MED13: variants seen among roughly 807,000 people sequenced by gnomAD.
The protein encoded by MED13 is mediator of RNA polymerase II transcription subunit 13.
In MED13, 23 loss-of-function variants were observed where a neutral mutation model predicts 225.2. The observed-to-expected ratio is 0.10, with a 90% CI of 0.07 to 0.14. MED13 has a LOEUF of 0.14. Ranked by LOEUF, MED13 falls within the 10% of genes least tolerant of loss-of-function variation. MED13 has a pLI of 1.00. For missense variants in MED13, 2,197 were observed against 2,594.5 expected (o/e 0.85, Z 3.33); for synonymous variants, 942 against 889.2 (o/e 1.06, Z -1.06).
intron 2 of MED13, among the ~76,000 whole-genome samples, chr17:62,060,636 C>A (rs2081031448): frequency 7.1e-6 from 1 of 141,196 alleles, no homozygotes. Flanking sequence ...CAGAATGAGA[C>A]TCCGTCTCAA....
intron 3 of MED13, among the ~76,000 whole-genome samples, chr17:62,043,271 G>A (rs147242987): frequency 9.8e-4 from 146 of 149,480 alleles, no homozygotes; most frequent in African/African-American, 3.0e-3. Context: ...TCTCATAAAC[G>A]TTCTAGAAAG....
At chr17:62,051,690 A>C (rs930711865) in intron 3 of MED13, among the ~76,000 whole-genome samples, 1 of 152,236 alleles carries the variant, frequency 6.6e-6, no homozygotes, top group African/African-American at 2.4e-5. Context: ...CATATATGAC[A>C]TCAAAGACCT....
chr17:62,003,623 C>CAAAAAAAAAAAAAAAAAAAA (rs1335956503), intron 9 of MED13: 2 of 86,078 alleles, frequency 2.3e-5, no homozygotes, highest in Admixed American at 1.1e-4. Flanking sequence ...AAAAAAAAAG[C>CAAAAAAAAAAAAAAAAAAAA]AAAAAGTGAA....
intron 8 of MED13, among the ~76,000 whole-genome samples, chr17:62,028,875 A>AG (rs1334958443): frequency 1.3e-5 from 2 of 152,112 alleles, no homozygotes; most frequent in Non-Finnish European, 2.9e-5. Flanking sequence ...AGATTACTGT[A>AG]GGCCAGATAT....
At chr17:61,991,381 G>A (rs1475184403) in intron 11 of MED13, among the ~76,000 whole-genome samples, 1 of 151,120 alleles carries the variant, frequency 6.6e-6, no homozygotes, top group Non-Finnish European at 1.5e-5. Flanking sequence ...GGCCTTACAG[G>A]TGTAAGCCAT....
At chr17:62,029,319 T>C (rs1189410156) in intron 8 of MED13, 1 of 531,212 alleles carries the variant, frequency 1.9e-6, no homozygotes, top group African/African-American at 1.9e-5. Flanking sequence ...GAAACAAAAC[T>C]TTCAGAGTCT....
intron 8 of MED13, among the ~76,000 whole-genome samples, chr17:62,024,505 T>C (rs1421822161): frequency 1.3e-5 from 2 of 152,262 alleles, no homozygotes; most frequent in Admixed American, 6.5e-5. Context: ...TGATAAAAAT[T>C]CCACTAGTGG....
At chr17:61,959,462 A>C (rs1204104541) in intron 23 of MED13, among the ~76,000 whole-genome samples, 2 of 152,124 alleles carry the variant, frequency 1.3e-5, no homozygotes, top group Non-Finnish European at 2.9e-5. Flanking sequence ...GAGTTCACTT[A>C]ATCAGTATAA....
chr17:61,998,389 A>G (rs2080363699), intron 9 of MED13, among the ~76,000 whole-genome samples: 4 of 152,314 alleles, frequency 2.6e-5, no homozygotes, highest in African/African-American at 7.2e-5. Flanking sequence ...CTTTCCTTTT[A>G]CTATGACAAT....
intron 18 of MED13, 137 bp downstream of exon 18, chr17:61,967,898 C>T: frequency 1.5e-6 from 1 of 675,024 alleles, no homozygotes; most frequent in Non-Finnish European, 2.5e-6. Context: ...AAGAATGTAA[C>T]TGGCTAGTAT....
chr17:61,970,934 AG>A (rs946527622), intron 17 of MED13, among the ~76,000 whole-genome samples: 2 of 151,886 alleles, frequency 1.3e-5, no homozygotes, highest in Admixed American at 6.6e-5. Flanking sequence ...CTGAGGTGAG[AG>A]GATCACTTGG....
intron 27 of MED13, among the ~76,000 whole-genome samples, chr17:61,951,486 T>C (rs2079896209): frequency 6.6e-6 from 1 of 152,180 alleles, no homozygotes; most frequent in South Asian, 2.1e-4. Context: ...TCCTTTGGAT[T>C]AGTTAATGTA....
chr17:61,945,351 A>C lies in MED13; in HGVS notation c.*1117T>G, dbSNP rs1674541417. ...TTGTAAAATGCCTAGAGCTGGGCTA[A>C]ATTTCAACCTTATAGCAGATCCTGA... On this transcript the variant is annotated 3_prime_UTR_variant, in exon 30 of 30. Transcript: ENST00000397786. 1 of 152,656 alleles carries C rather than the reference A, an allele frequency of 6.6e-6. No individual in the cohort carries two copies. The highest frequency in any genetic ancestry group is 1.5e-5 in the Non-Finnish European group (1 of 68,038). The allele number at this position is 152,656 out of a possible 1,614,324, so 9.5% of individuals were successfully genotyped here.
intron 3 of MED13, among the ~76,000 whole-genome samples, chr17:62,042,029 C>A (rs902099142): frequency 6.6e-6 from 1 of 152,184 alleles, no homozygotes; most frequent in African/African-American, 2.4e-5. Flanking sequence ...TTTTTGTAAG[C>A]TCTCCAGGTG....
At chr17:61,957,309 T>C (rs906080027) in intron 23 of MED13, among the ~76,000 whole-genome samples, 5 of 151,806 alleles carry the variant, frequency 3.3e-5, no homozygotes, top group African/African-American at 1.2e-4. Flanking sequence ...TCCCAAAGTG[T>C]TGAGATTACA....
At chr17:62,055,045 A>C (rs191821750) in intron 2 of MED13, among the ~76,000 whole-genome samples, 1 of 152,196 alleles carries the variant, frequency 6.6e-6, no homozygotes, top group Non-Finnish European at 1.5e-5. Context: ...AATAGTAAAT[A>C]AAAAAATCTG....
intron 8 of MED13, among the ~76,000 whole-genome samples, chr17:62,023,387 G>A (rs2143648284): frequency 6.6e-6 from 1 of 152,266 alleles, no homozygotes; most frequent in African/African-American, 2.4e-5. Flanking sequence ...TTCTAGCACT[G>A]AAAGGACAAT....
chr17:62,045,316 G>T (rs1199082732), intron 3 of MED13, among the ~76,000 whole-genome samples: 1 of 152,030 alleles, frequency 6.6e-6, no homozygotes, highest in African/African-American at 2.4e-5. Flanking sequence ...CAGCTAAATG[G>T]CTACAACAGA....
intron 16 of MED13, among the ~76,000 whole-genome samples, chr17:61,980,319 G>C (rs905776547): frequency 6.6e-6 from 1 of 151,994 alleles, no homozygotes; most frequent in Non-Finnish European, 1.5e-5. Flanking sequence ...ATAAATGTCA[G>C]CTCCATCCTT....
Sources: gnomAD v4.1 joint callset for allele counts (sites outside exome capture counted in the v4.1 genomes callset) on GRCh38, gnomAD v4.1.1 for gene constraint, MANE v1.5 for transcripts, NCBI Gene and HGNC (gene_info 2026-07-23, HGNC 2026-07-21) for gene names.